MBTD1: variants seen among roughly 807,000 people sequenced by gnomAD.
The protein encoded by MBTD1 is MBT domain-containing protein 1.
In MBTD1, 24 loss-of-function variants were observed where a neutral mutation model predicts 87.8. That is an observed-to-expected ratio of 0.27 (90% CI 0.20 to 0.38). The LOEUF is 0.38. Ranked by LOEUF, MBTD1 falls within the 10% of genes least tolerant of loss-of-function variation. The pLI, the probability that MBTD1 is intolerant of heterozygous loss-of-function variation, is 1.00. For missense variants in MBTD1, 436 were observed against 760.2 expected (o/e 0.57, Z 5.02); for synonymous variants, 237 against 248.6 (o/e 0.95, Z 0.44).
At chr17:51,245,074 G>A (rs1429975254) in intron 2 of MBTD1, among the ~76,000 whole-genome samples, 3 of 152,048 alleles carry the variant, frequency 2.0e-5, no homozygotes, top group African/African-American at 7.2e-5. Context: ...CTAATTTTTT[G>A]TATTTTTAGT....
At chr17:51,217,660 G>C (rs1371793435) in intron 5 of MBTD1, among the ~76,000 whole-genome samples, 2 of 152,284 alleles carry the variant, frequency 1.3e-5, no homozygotes, top group Non-Finnish European at 2.9e-5. Flanking sequence ...CTAGGCTGGA[G>C]TGCAGTGGCA....
chr17:51,195,062 T>C, intron 13 of MBTD1, 152 bp downstream of exon 13: 2 of 547,650 alleles, frequency 3.7e-6, no homozygotes, highest in Non-Finnish European at 6.2e-6. Context: ...TTTATATTTT[T>C]AGAGCAACCT....
chr17:51,208,594 G>A (rs1164424669), intron 6 of MBTD1, among the ~76,000 whole-genome samples: 2 of 152,104 alleles, frequency 1.3e-5, no homozygotes, highest in African/African-American at 4.8e-5. Context: ...GTACCTATTC[G>A]AGTAGATAGA....
At chr17:51,181,738 G>A (rs2144959491) in intron 16 of MBTD1, among the ~76,000 whole-genome samples, 1 of 152,348 alleles carries the variant, frequency 6.6e-6, no homozygotes, top group African/African-American at 2.4e-5. Flanking sequence ...AGCTATGTAG[G>A]AGGACAAGGC....
chr17:51,259,404 G>T (rs1168507653), intron 1 of MBTD1, among the ~76,000 whole-genome samples, 198 bp from the exon 2 acceptor site: 2 of 151,974 alleles, frequency 1.3e-5, no homozygotes, highest in Non-Finnish European at 2.9e-5. Context: ...TGCCCCCAAG[G>T]CAGATAGACA....
intron 1 of MBTD1, among the ~76,000 whole-genome samples, chr17:51,259,463 G>A (rs916963118): frequency 6.6e-6 from 1 of 152,128 alleles, no homozygotes; most frequent in African/African-American, 2.4e-5. Flanking sequence ...CCGCCAAGAA[G>A]AGAGGACTAC....
chr17:51,237,906 T>C (rs995006703), intron 2 of MBTD1, among the ~76,000 whole-genome samples: 12 of 152,202 alleles, frequency 7.9e-5, no homozygotes, highest in Admixed American at 2.0e-4. Flanking sequence ...ATTACACAAA[T>C]TGTGGTACGT....
chr17:51,255,790 G>A (rs1419479561), intron 2 of MBTD1, among the ~76,000 whole-genome samples: 3 of 152,042 alleles, frequency 2.0e-5, no homozygotes, highest in Admixed American at 1.3e-4. Flanking sequence ...TAGAGACAGG[G>A]TTTCGCCATG....
At chr17:51,245,580 C>T (rs1006247604) in intron 2 of MBTD1, among the ~76,000 whole-genome samples, 1 of 151,600 alleles carries the variant, frequency 6.6e-6, no homozygotes, top group Admixed American at 6.6e-5. Flanking sequence ...ATATTTTTTC[C>T]AAATGGCTAT....
chr17:51,247,346 C>T (rs906906493), intron 2 of MBTD1, among the ~76,000 whole-genome samples: 5 of 151,914 alleles, frequency 3.3e-5, no homozygotes, highest in Non-Finnish European at 7.4e-5. Flanking sequence ...GTGTGAGAGA[C>T]TGCACAGTAA....
chr17:51,201,182 T>C (rs2051468759), intron 12 of MBTD1, among the ~76,000 whole-genome samples: 3 of 152,124 alleles, frequency 2.0e-5, no homozygotes, highest in South Asian at 4.2e-4. Context: ...TAGGTCTTTT[T>C]GTAAGAGCAG....
chr17:51,255,370 A>C (rs1442516585), intron 2 of MBTD1, among the ~76,000 whole-genome samples: 7 of 152,196 alleles, frequency 4.6e-5, no homozygotes, highest in African/African-American at 1.7e-4. Context: ...ATCTGAAATG[A>C]TAACATTCTC....
intron 8 of MBTD1, 41 bp from the exon 9 acceptor site, chr17:51,203,269 G>T: frequency 1.0e-6 from 1 of 968,366 alleles, no homozygotes; most frequent in Non-Finnish European, 1.5e-6. Context: ...TAGCAAAAAA[G>T]AACTGCTTCA....
chr17:51,203,011 A>C (rs567707974), intron 9 of MBTD1, 76 bp from the exon 10 acceptor site: 4 of 1,323,666 alleles, frequency 3.0e-6, no homozygotes, highest in African/African-American at 2.9e-5. Flanking sequence ...ATACTGTAAA[A>C]AATACTGAAT....
intron 2 of MBTD1, among the ~76,000 whole-genome samples, chr17:51,231,175 A>G (rs572248122): frequency 3.5e-4 from 53 of 152,176 alleles, no homozygotes; most frequent in Admixed American, 7.9e-4. Context: ...TGACCTTGTG[A>G]TCTGCCCGCC....
chr17:51,260,284 T>G, upstream of MBTD1: 1 of 483,260 alleles, frequency 2.1e-6, no homozygotes, highest in Non-Finnish European at 3.6e-6. Flanking sequence ...ATAGTCGGGG[T>G]TTCTTGCGCT....
At chr17:51,246,500 TAC>T (rs1186829997) in intron 2 of MBTD1, among the ~76,000 whole-genome samples, 1 of 152,238 alleles carries the variant, frequency 6.6e-6, no homozygotes, top group African/African-American at 2.4e-5. Flanking sequence ...ATTTTCTCAC[TAC>T]ACAAAGGTTT....
intron 16 of MBTD1, among the ~76,000 whole-genome samples, chr17:51,186,666 C>T (rs1006141462): frequency 6.6e-6 from 1 of 151,688 alleles, no homozygotes; most frequent in Admixed American, 6.6e-5. Flanking sequence ...CCCAGCTACT[C>T]GGGAGGCTGA....
intron 2 of MBTD1, among the ~76,000 whole-genome samples, chr17:51,240,510 G>C (rs998405419): frequency 2.6e-5 from 4 of 152,148 alleles, no homozygotes; most frequent in Non-Finnish European, 5.9e-5. Context: ...GAATTTGTCT[G>C]ATAGTTTCTT....
Sources: gnomAD v4.1 joint callset for allele counts (sites outside exome capture counted in the v4.1 genomes callset) on GRCh38, gnomAD v4.1.1 for gene constraint, MANE v1.5 for transcripts, NCBI Gene and HGNC (gene_info 2026-07-23, HGNC 2026-07-21) for gene names.